The following CNTNAP5 variants were observed in gnomAD, a reference collection of about 807,000 sequenced individuals.
CNTNAP5 encodes contactin associated protein family member 5.
Under a neutral mutation model 150.2 loss-of-function variants are expected in CNTNAP5, and 72 were observed. The observed-to-expected ratio is 0.48, with a 90% CI of 0.40 to 0.58. The LOEUF (loss-of-function observed/expected upper bound fraction) is 0.58. CNTNAP5 is among the 20% of genes least tolerant of loss of function. CNTNAP5 has a pLI of 0.00. For missense variants in CNTNAP5, 1,636 were observed against 1,626.2 expected (o/e 1.01, Z -0.10); for synonymous variants, 672 against 619.8 (o/e 1.08, Z -1.25).
At chr2:124,906,041 A>T (rs879375951) in intron 22 of CNTNAP5, among the ~76,000 whole-genome samples, 8 of 152,172 alleles carry the variant, frequency 5.3e-5, no homozygotes, top group Admixed American at 5.2e-4. Context: ...GCTAGCCCTG[A>T]GAGGGGCAGT....
chr2:124,507,300 A>G (rs2104866628), intron 8 of CNTNAP5, among the ~76,000 whole-genome samples: 1 of 152,196 alleles, frequency 6.6e-6, no homozygotes, highest in East Asian at 1.9e-4. Context: ...CTTTACAAAA[A>G]ACTGAAAATT....
intron 7 of CNTNAP5, among the ~76,000 whole-genome samples, chr2:124,483,015 G>A (rs2104841721): frequency 1.3e-5 from 2 of 152,302 alleles, no homozygotes; most frequent in South Asian, 4.1e-4. Context: ...GCTGTTTCTG[G>A]AATTCACTCC....
intron 3 of CNTNAP5, among the ~76,000 whole-genome samples, chr2:124,342,527 C>G (rs541276640): frequency 6.6e-6 from 1 of 152,224 alleles, no homozygotes; most frequent in Admixed American, 6.5e-5. Flanking sequence ...CAGATTATAT[C>G]TGAAAGTTAG....
chr2:124,755,392 C>T (rs1311058123), intron 14 of CNTNAP5, among the ~76,000 whole-genome samples: 2 of 152,174 alleles, frequency 1.3e-5, no homozygotes, highest in Admixed American at 6.5e-5. Context: ...ATGATCCTCT[C>T]CCTGAGGAGG....
intron 13 of CNTNAP5, among the ~76,000 whole-genome samples, chr2:124,654,222 C>T (rs1000665645): frequency 1.3e-5 from 2 of 152,032 alleles, no homozygotes; most frequent in Non-Finnish European, 2.9e-5. Flanking sequence ...TTTTACAAAG[C>T]CTGGGACTGC....
chr2:124,504,194 C>G, intron 7 of CNTNAP5, 98 bp from the exon 8 acceptor site: 1 of 1,226,544 alleles, frequency 8.2e-7, no homozygotes, highest in Non-Finnish European at 1.2e-6. Context: ...GTGGAATGAT[C>G]CTGAAATTAA....
At chr2:124,430,853 G>T (rs556125605) in intron 4 of CNTNAP5, among the ~76,000 whole-genome samples, 4 of 152,154 alleles carry the variant, frequency 2.6e-5, no homozygotes, top group African/African-American at 9.7e-5. Flanking sequence ...GCATCTTTAT[G>T]CTGTGCTTGA....
rs1678772359 is a variant in CNTNAP5 at position 124,916,521 on chromosome 2, G to A, written c.*2233G>A. Among the ~76,000 whole-genome samples the A allele has an allele frequency of 6.6e-6, 1 of 152,064 alleles. No homozygotes were observed. Among genetic ancestry groups the A allele is most frequent in the Non-Finnish European group, 1.5e-5 (1 of 67,996 alleles). ...ATAATGAAATAGAAAGGCAAAGGAA[G>A]GTATGAGTAATAAAGCTGGAACTCT... On this transcript the variant is annotated 3_prime_UTR_variant, in exon 24 of 24. Transcript: ENST00000682447.
chr2:124,846,738 T>G (rs991501136), intron 19 of CNTNAP5, among the ~76,000 whole-genome samples: 1 of 152,296 alleles, frequency 6.6e-6, no homozygotes, highest in South Asian at 2.1e-4. Flanking sequence ...AGGGCTAGTG[T>G]TAAGATTTTT....
At chr2:124,368,821 A>G (rs1196286491) in intron 3 of CNTNAP5, among the ~76,000 whole-genome samples, 1 of 152,124 alleles carries the variant, frequency 6.6e-6, no homozygotes, top group Non-Finnish European at 1.5e-5. Context: ...AAAAATATTT[A>G]TTTATATAGG....
chr2:124,246,556 C>T (rs1170888639), intron 3 of CNTNAP5, among the ~76,000 whole-genome samples: 1 of 152,126 alleles, frequency 6.6e-6, no homozygotes, highest in Non-Finnish European at 1.5e-5. Context: ...TGAGCCAATG[C>T]TTGGTAAAGT....
chr2:124,772,166 C>A (rs565030652), intron 16 of CNTNAP5, among the ~76,000 whole-genome samples: 65 of 152,224 alleles, frequency 4.3e-4, no homozygotes, highest in African/African-American at 1.4e-3. Flanking sequence ...CATCAGTATG[C>A]TTACTTCTGA....
Position 124,547,575 on chromosome 2 carries a change from T to C in CNTNAP5, c.1650-15642T>C, listed in dbSNP as rs187629229. Among the ~76,000 whole-genome samples the C allele has an allele frequency of 6.1e-3, 922 of 152,266 alleles. 1 individual carries two copies. The highest frequency in any genetic ancestry group is 0.027 in the Middle Eastern group (8 of 294). On this transcript the variant is annotated intron_variant, in intron 10 of 23. Coordinates refer to ENST00000682447, the MANE Select transcript of CNTNAP5 (RefSeq NM_001367498.1). ...AAGGGGCTCCTGTTGTGTCAGTATC[T>C]GGGGTGGCTGCTCGTATTCATCTCC...
chr2:124,771,026 C>T (rs550465805), intron 16 of CNTNAP5, among the ~76,000 whole-genome samples: 1 of 152,024 alleles, frequency 6.6e-6, no homozygotes, highest in Non-Finnish European at 1.5e-5. Context: ...TCCTTTAGGC[C>T]AGGGCTCGGT....
At chr2:124,534,540 C>T (rs1428498133) in intron 10 of CNTNAP5, among the ~76,000 whole-genome samples, 1 of 152,102 alleles carries the variant, frequency 6.6e-6, no homozygotes, top group Admixed American at 6.6e-5. Flanking sequence ...TTATAAACTG[C>T]CATGTAAACT....
intron 3 of CNTNAP5, among the ~76,000 whole-genome samples, chr2:124,403,624 A>C (rs918566270): frequency 1.3e-5 from 2 of 152,200 alleles, no homozygotes; most frequent in African/African-American, 4.8e-5. Context: ...TGCTCCATGC[A>C]CTGTTCTAGA....
intron 1 of CNTNAP5, among the ~76,000 whole-genome samples, chr2:124,089,944 C>A (rs918791146): frequency 2.6e-5 from 4 of 152,352 alleles, no homozygotes; most frequent in Admixed American, 6.5e-5. Flanking sequence ...GTCATTATGA[C>A]CATCACCTAA....
In CNTNAP5 at chr2:124,768,307, G is replaced by GTGTATGTATA. The variant is rs1553440081; in HGVS notation, c.2533+4165_2533+4166insGTATATGTAT. The stretch of plus-strand genomic sequence containing the variant: ...TGTGTGTGTGTGTGTGTGTGTGTGT[G>GTGTATGTATA]TGTATATGTATGTTTATGTATATAT... On this transcript the variant is annotated intron_variant, in intron 16 of 23. Coordinates refer to ENST00000682447, the MANE Select transcript of CNTNAP5 (RefSeq NM_001367498.1). Among the ~76,000 whole-genome samples the GTGTATGTATA allele has an allele frequency of 4.3e-3, 617 of 144,726 alleles. 6 individuals carry two copies. Among genetic ancestry groups the GTGTATGTATA allele is most frequent in the African/African-American group, 0.013 (511 of 39,574 alleles). 94.9% of individuals were successfully genotyped at this position (144,726 alleles called of 152,430 possible).
intron 1 of CNTNAP5, among the ~76,000 whole-genome samples, chr2:124,058,997 C>G (rs1681930927): frequency 6.6e-6 from 1 of 152,124 alleles, no homozygotes; most frequent in African/African-American, 2.4e-5. Context: ...TATTTTTTAT[C>G]TCACAGGGTA....
Sources: allele counts gnomAD v4.1 joint callset (sites outside exome capture counted in the v4.1 genomes callset), GRCh38; gene constraint gnomAD v4.1.1; transcripts MANE v1.5; gene names NCBI Gene and HGNC (gene_info 2026-07-23, HGNC 2026-07-21).